Variants in GABRB1 observed in about 807,000 individuals in gnomAD.
GABRB1 encodes the protein gamma-aminobutyric acid type A receptor subunit beta1.
Under a neutral mutation model 51.6 loss-of-function variants are expected in GABRB1, and 17 were observed. That is an observed-to-expected ratio of 0.33 (90% CI 0.23 to 0.49). The LOEUF is 0.49. Ranked by LOEUF, GABRB1 falls within the 20% of genes least tolerant of loss-of-function variation. The pLI is 0.99. For synonymous variants in GABRB1, 247 were observed against 218.9 expected (o/e 1.13, Z -1.14); for missense variants, 410 against 600.6 (o/e 0.68, Z 3.32).
At chr4:47,118,899 T>C (rs1374644673) in intron 3 of GABRB1, among the ~76,000 whole-genome samples, 1 of 152,174 alleles carries the variant, frequency 6.6e-6, no homozygotes, top group African/African-American at 2.4e-5. Context: ...AGGTGTCATA[T>C]ACACTGAAAT....
intron 3 of GABRB1, among the ~76,000 whole-genome samples, chr4:47,099,217 C>T (rs1714611604): frequency 6.6e-6 from 1 of 152,032 alleles, no homozygotes; most frequent in Non-Finnish European, 1.5e-5. Context: ...GCATACATAC[C>T]CACATCAAGA....
intron 3 of GABRB1, among the ~76,000 whole-genome samples, chr4:47,147,722 G>A (rs1717237030): frequency 6.6e-6 from 1 of 152,048 alleles, no homozygotes. Context: ...ATTTAGCTAG[G>A]CAAAGGCAAA....
intron 4 of GABRB1, among the ~76,000 whole-genome samples, chr4:47,303,805 T>C (rs893555228): frequency 1.3e-5 from 2 of 151,988 alleles, no homozygotes; most frequent in African/African-American, 2.4e-5. Flanking sequence ...AGTGACTGAT[T>C]ATCTCTCTAA....
intron 3 of GABRB1, among the ~76,000 whole-genome samples, chr4:47,100,561 T>C (rs1452323522): frequency 6.6e-6 from 1 of 152,032 alleles, no homozygotes; most frequent in Non-Finnish European, 1.5e-5. Flanking sequence ...CTCTCCTTTT[T>C]CCTCATCTAG....
At chr4:47,392,107 AAAGGAG>A (rs1319137409) in intron 5 of GABRB1, among the ~76,000 whole-genome samples, 2 of 151,468 alleles carry the variant, frequency 1.3e-5, no homozygotes, top group Admixed American at 6.6e-5. Context: ...AAAAACGCAG[AAAGGAG>A]AAGGAGAAGA....
At chr4:47,006,842 T>A (rs1394941739) in intron 1 of GABRB1, among the ~76,000 whole-genome samples, 3 of 152,134 alleles carry the variant, frequency 2.0e-5, no homozygotes, top group Non-Finnish European at 4.4e-5. Context: ...ACAAAACCAA[T>A]CTCAAGTTTA....
intron 1 of GABRB1, among the ~76,000 whole-genome samples, chr4:47,003,623 T>G (rs1724295275): frequency 1.3e-5 from 2 of 152,332 alleles, no homozygotes; most frequent in East Asian, 3.9e-4. Context: ...ATTGCAGAGC[T>G]AAAACAGAAC....
rs150303024 is a variant in GABRB1, at chr4:47,101,719, T to C, written c.241-59530T>C. 6.4e-4 allele frequency among the ~76,000 whole-genome samples: 97 copies of C among 152,200 alleles called. 2 individuals are homozygous for C. In the East Asian group the frequency reaches 0.017, roughly 26 times the overall value. On this transcript the variant is annotated intron_variant, in intron 3 of 8. Transcript: ENST00000295454. ...TATGTGAAAAGCCATGCAGATGCCA[T>C]GGCAATAAACATCACAGCAAGATGA...
At chr4:47,053,998 C>T (rs1362501560) in intron 3 of GABRB1, among the ~76,000 whole-genome samples, 2 of 151,872 alleles carry the variant, frequency 1.3e-5, no homozygotes, top group Admixed American at 6.6e-5. Context: ...TATACTTTTC[C>T]TATCCTTTAA....
At chr4:47,166,646 G>C (rs1003580117) in intron 4 of GABRB1, among the ~76,000 whole-genome samples, 14 of 152,020 alleles carry the variant, frequency 9.2e-5, no homozygotes, top group Admixed American at 6.6e-5. Flanking sequence ...AGAGTCCATA[G>C]TTATACATGG....
At chr4:47,260,135 C>T (rs1722370885) in intron 4 of GABRB1, among the ~76,000 whole-genome samples, 1 of 152,170 alleles carries the variant, frequency 6.6e-6, no homozygotes. Context: ...TTATCAGAGG[C>T]TAGGATTGCA....
At chr4:47,302,661 C>G (rs145545087) in intron 4 of GABRB1, among the ~76,000 whole-genome samples, 2,569 of 152,010 alleles carry the variant, frequency 0.017, 23 homozygotes, top group South Asian at 0.041. Context: ...TTTCAGGGTA[C>G]AAGATCTTGA....
chr4:47,130,342 T>C (rs1434769484), intron 3 of GABRB1, among the ~76,000 whole-genome samples: 1 of 135,194 alleles, frequency 7.4e-6, no homozygotes, highest in Non-Finnish European at 1.7e-5. Context: ...TGTGTGTGTG[T>C]GTGTGTGTGT....
At chr4:47,071,963 G>A (rs909831970) in intron 3 of GABRB1, among the ~76,000 whole-genome samples, 1 of 151,034 alleles carries the variant, frequency 6.6e-6, no homozygotes, top group Non-Finnish European at 1.5e-5. Context: ...GAACCATTAT[G>A]TGATTGTAAA....
chr4:47,072,582 G>A (rs1285560169), intron 3 of GABRB1, among the ~76,000 whole-genome samples: 1 of 151,964 alleles, frequency 6.6e-6, no homozygotes, highest in Admixed American at 6.6e-5. Flanking sequence ...TTTACTATGT[G>A]GTATCATGTT....
intron 4 of GABRB1, among the ~76,000 whole-genome samples, chr4:47,238,228 A>G (rs997779785): frequency 6.6e-6 from 1 of 152,052 alleles, no homozygotes; most frequent in Admixed American, 6.5e-5. Context: ...ACATATAAAC[A>G]TAATTAATAA....
intron 4 of GABRB1, among the ~76,000 whole-genome samples, chr4:47,201,586 C>T (rs1380089708): frequency 6.6e-6 from 1 of 152,058 alleles, no homozygotes; most frequent in East Asian, 1.9e-4. Flanking sequence ...CCAGTGTTTT[C>T]ACACAGCTAG....
chr4:47,251,391 T>C (rs1466641242), intron 4 of GABRB1, among the ~76,000 whole-genome samples: 1 of 152,082 alleles, frequency 6.6e-6, no homozygotes, highest in East Asian at 1.9e-4. Context: ...TTAGCTTTGG[T>C]GGTTTAATGC....
chr4:47,367,254 A>G (rs1289453469), intron 5 of GABRB1, among the ~76,000 whole-genome samples: 1 of 152,220 alleles, frequency 6.6e-6, no homozygotes, highest in African/African-American at 2.4e-5. Context: ...AATTTATCAT[A>G]TACTATTTTA....
Sources: allele counts gnomAD v4.1 joint callset (sites outside exome capture counted in the v4.1 genomes callset), GRCh38; gene constraint gnomAD v4.1.1; transcripts MANE v1.5; gene names NCBI Gene and HGNC (gene_info 2026-07-23, HGNC 2026-07-21).